The following DCDC1 variants were observed in gnomAD, a reference collection of about 807,000 sequenced individuals.
The protein encoded by DCDC1 is doublecortin domain-containing protein 1.
In DCDC1, 200 loss-of-function variants were observed where a neutral mutation model predicts 178.3. The ratio of observed to expected loss-of-function variants is 1.12; its 90% CI spans 1.00 to 1.26. The LOEUF (loss-of-function observed/expected upper bound fraction) is 1.26, where lower values mean the gene tolerates loss of function less well. DCDC1 is among the 50% of genes most tolerant of loss of function. DCDC1 has a pLI of 0.00. For missense variants in DCDC1, 1,983 were observed against 1,749.2 expected (o/e 1.13, Z -2.38); for synonymous variants, 690 against 604.8 (o/e 1.14, Z -2.07).
chr11:31,250,433 T>TATATAC (rs1943938029), intron 8 of DCDC1, among the ~76,000 whole-genome samples: 1 of 125,754 alleles, frequency 8.0e-6, no homozygotes, highest in South Asian at 2.8e-4. Context: ...TATATATGTA[T>TATATAC]ATATATATAT....
intron 15 of DCDC1, among the ~76,000 whole-genome samples, chr11:31,101,177 T>C (rs1958478542): frequency 6.6e-6 from 1 of 152,088 alleles, no homozygotes; most frequent in Non-Finnish European, 1.5e-5. Context: ...TGATAGGAAG[T>C]CCTACTTTCT....
chr11:30,929,465 A>T (rs1304150424), intron 22 of DCDC1, among the ~76,000 whole-genome samples: 1 of 152,024 alleles, frequency 6.6e-6, no homozygotes, highest in African/African-American at 2.4e-5. Context: ...TTCTCAAAAG[A>T]CTTTTATTAT....
chr11:31,058,950 C>T (rs577547765), intron 20 of DCDC1, among the ~76,000 whole-genome samples: 1 of 152,114 alleles, frequency 6.6e-6, no homozygotes, highest in Admixed American at 6.6e-5. Context: ...ATACTAGACA[C>T]TCTAGTTTGG....
intron 9 of DCDC1, among the ~76,000 whole-genome samples, chr11:31,188,933 G>A (rs1252030967): frequency 1.3e-5 from 2 of 152,030 alleles, no homozygotes; most frequent in African/African-American, 4.8e-5. Context: ...TCATGAATGG[G>A]GTCAGTACCC....
chr11:30,921,458 G>C (rs1331834839), intron 24 of DCDC1, among the ~76,000 whole-genome samples: 2 of 152,118 alleles, frequency 1.3e-5, no homozygotes, highest in African/African-American at 4.8e-5. Flanking sequence ...TTTTATAAAA[G>C]AAAAGCAAAA....
At chr11:31,182,247 A>G (rs1205105579) in intron 9 of DCDC1, among the ~76,000 whole-genome samples, 3 of 152,170 alleles carry the variant, frequency 2.0e-5, no homozygotes, top group Non-Finnish European at 4.4e-5. Context: ...AGAGAACACC[A>G]CAAAGATACT....
chr11:30,909,284 T>C (rs1945282424), intron 28 of DCDC1, among the ~76,000 whole-genome samples, 168 bp from the exon 29 acceptor site: 1 of 152,188 alleles, frequency 6.6e-6, no homozygotes, highest in Non-Finnish European at 1.5e-5. Flanking sequence ...ATCTTTTATA[T>C]GTTTATAAAT....
chr11:31,276,697 T>A (rs1260262220), intron 7 of DCDC1, among the ~76,000 whole-genome samples: 1 of 152,084 alleles, frequency 6.6e-6, no homozygotes, highest in Non-Finnish European at 1.5e-5. Flanking sequence ...CTGAATAAAA[T>A]CCTAGAGCTA....
chr11:30,881,261 T>C lies in DCDC1; in HGVS notation c.5130A>G (p.Arg1710=). Residue 1710 remains arginine (R), a synonymous_variant, in exon 37 of 39, where the codon AGA becomes AGG. Transcript: ENST00000684477. ...GCTCTCCACTGGGGGTGTACAGTGC[T>C]CTAGCTGGGTGGGTCATTTTGAGAC... ...SSRLKMTHPA[R]ALYTPSGEPI... 3.1e-6 allele frequency: 5 copies of C among 1,613,490 alleles called. No individual in the cohort carries two copies. The highest frequency in any genetic ancestry group is 4.2e-6 in the Non-Finnish European group (5 of 1,179,596).
intron 20 of DCDC1, among the ~76,000 whole-genome samples, chr11:31,010,474 G>T (rs1000054340): frequency 6.6e-6 from 1 of 152,214 alleles, no homozygotes; most frequent in Non-Finnish European, 1.5e-5. Flanking sequence ...CAGTAGGAAA[G>T]TGTCCCACTC....
At chr11:30,905,188 T>G (rs1476836201) in intron 30 of DCDC1, 24 bp from the exon 31 acceptor site, 1 of 1,549,048 alleles carries the variant, frequency 6.5e-7, no homozygotes, top group Non-Finnish European at 8.7e-7. Flanking sequence ...AAATAAATTG[T>G]ACATTTACTC....
chr11:31,096,938 C>A (rs1198526684), intron 15 of DCDC1, among the ~76,000 whole-genome samples: 1 of 152,088 alleles, frequency 6.6e-6, no homozygotes, highest in East Asian at 1.9e-4. Flanking sequence ...TGTGCGCGCG[C>A]CCGTGTACAC....
chr11:31,027,919 A>T (rs1003769191), intron 20 of DCDC1, among the ~76,000 whole-genome samples: 1 of 151,850 alleles, frequency 6.6e-6, no homozygotes, highest in African/African-American at 2.4e-5. Context: ...AGGATCTGTG[A>T]CTAAACCACA....
At chr11:31,273,392 A>T (rs924474900) in intron 7 of DCDC1, among the ~76,000 whole-genome samples, 3 of 152,108 alleles carry the variant, frequency 2.0e-5, no homozygotes, top group Admixed American at 6.5e-5. Flanking sequence ...ACCCTAAATC[A>T]TCTCTCTCAA....
intron 7 of DCDC1, among the ~76,000 whole-genome samples, chr11:31,274,285 T>C (rs1945809378): frequency 6.6e-6 from 1 of 152,172 alleles, no homozygotes; most frequent in Admixed American, 6.5e-5. Flanking sequence ...TTGATATGTT[T>C]CTTTTATTCA....
chr11:31,041,325 G>C (rs1447771150), intron 20 of DCDC1, among the ~76,000 whole-genome samples: 1 of 152,080 alleles, frequency 6.6e-6, no homozygotes, highest in African/African-American at 2.4e-5. Flanking sequence ...GGTTTGGCTG[G>C]GGACCACTTC....
intron 9 of DCDC1, among the ~76,000 whole-genome samples, chr11:31,238,891 A>C (rs1976768247): frequency 6.6e-6 from 1 of 152,128 alleles, no homozygotes; most frequent in Non-Finnish European, 1.5e-5. Context: ...AGTGTGCTTA[A>C]ATCAGTTGCA....
At chr11:31,018,569 T>C (rs534083232) in intron 20 of DCDC1, among the ~76,000 whole-genome samples, 4 of 152,288 alleles carry the variant, frequency 2.6e-5, no homozygotes, top group Non-Finnish European at 5.9e-5. Context: ...CACGGAAGGG[T>C]ACTAACTACA....
At chr11:31,219,223 A>G (rs557938189) in intron 9 of DCDC1, among the ~76,000 whole-genome samples, 97 of 152,332 alleles carry the variant, frequency 6.4e-4, no homozygotes, top group African/African-American at 2.3e-3. Context: ...TAACAAATGT[A>G]TCTGCAAAAT....
Sources: gnomAD v4.1 joint callset for allele counts (sites outside exome capture counted in the v4.1 genomes callset) on GRCh38, gnomAD v4.1.1 for gene constraint, MANE v1.5 for transcripts, NCBI Gene and HGNC (gene_info 2026-07-23, HGNC 2026-07-21) for gene names.